The following CCDC178 variants were observed in gnomAD, a reference collection of about 807,000 sequenced individuals.
CCDC178 encodes the protein coiled-coil domain containing 178.
Under a neutral mutation model 117.4 loss-of-function variants are expected in CCDC178, and 126 were observed. The ratio of observed to expected loss-of-function variants is 1.07; its 90% CI spans 0.93 to 1.24. The LOEUF (loss-of-function observed/expected upper bound fraction) is 1.24. Among genes scored for constraint, CCDC178 ranks in the 50% most tolerant of loss-of-function variants. CCDC178 has a pLI of 0.00. For missense variants in CCDC178, 1,030 were observed against 986.9 expected (o/e 1.04, Z -0.59); for synonymous variants, 283 against 313.4 (o/e 0.90, Z 1.02).
intron 2 of CCDC178, among the ~76,000 whole-genome samples, chr18:33,433,485 A>C (rs1427655473): frequency 6.6e-6 from 1 of 152,096 alleles, no homozygotes; most frequent in Admixed American, 6.6e-5. Flanking sequence ...CAGGTAATAC[A>C]CTGTTGCCCT....
rs144266625 is a variant in CCDC178 at position 33,066,699 on chromosome 18, G to A, written c.2388+26062C>T. ...TCAAAACCGAAGTGAAGCAGGAGTC[G>A]CTATACTTATATCACATGAAACAGA... On this transcript the variant is annotated intron_variant, in intron 21 of 22. Transcript: ENST00000383096. Among the ~76,000 whole-genome samples the A allele has an allele frequency of 4.1e-3, 621 of 152,152 alleles. 4 individuals carry two copies. Among genetic ancestry groups the A allele is most frequent in the African/African-American group, 0.014 (562 of 41,516 alleles).
At chr18:32,974,754 A>G in intron 21 of CCDC178, 73 bp from the exon 22 acceptor site, 1 of 1,449,574 alleles carries the variant, frequency 6.9e-7, no homozygotes, top group Middle Eastern at 1.8e-4. Flanking sequence ...TTCAAGAAGA[A>G]TGATGGAGGG....
At chr18:33,311,505 T>C (rs1415267631) in intron 11 of CCDC178, among the ~76,000 whole-genome samples, 2 of 152,240 alleles carry the variant, frequency 1.3e-5, no homozygotes, top group Admixed American at 6.5e-5. Context: ...TCAGCTCCAG[T>C]GAGTGTCCCT....
At chr18:33,304,512 T>C (rs897610495) in intron 11 of CCDC178, among the ~76,000 whole-genome samples, 1 of 152,342 alleles carries the variant, frequency 6.6e-6, no homozygotes, top group East Asian at 1.9e-4. Context: ...TTTTGCTTTA[T>C]TCTGTTTATT....
At chr18:33,249,960 G>A (rs924904558) in intron 14 of CCDC178, among the ~76,000 whole-genome samples, 3 of 151,894 alleles carry the variant, frequency 2.0e-5, no homozygotes, top group Non-Finnish European at 2.9e-5. Flanking sequence ...GTGGTTTGTA[G>A]TTCTCCTTGA....
At chr18:33,207,526 G>C (rs189371785) in intron 20 of CCDC178, among the ~76,000 whole-genome samples, 1,999 of 149,752 alleles carry the variant, frequency 0.013, 26 homozygotes, top group Middle Eastern at 0.059. Flanking sequence ...TTTCCAGTGG[G>C]AATGGAAAAT....
Position 32,990,950 on chromosome 18 carries a change from C to T in CCDC178, c.2389-16269G>A, listed in dbSNP as rs565999496. Among the ~76,000 whole-genome samples, 3 of 151,528 alleles carry T rather than the reference C, an allele frequency of 2.0e-5. No individual in the cohort carries two copies. In the South Asian group the frequency reaches 6.2e-4, roughly 31 times the overall value. ...ATTAGGAAAATGAAAGTTAATAACA[C>T]AGTGAGATACTCTTTTATATCAATT... On this transcript the variant is annotated intron_variant, in intron 21 of 22. Transcript: ENST00000383096.
chr18:33,045,853 G>A (rs1469206513), intron 21 of CCDC178, among the ~76,000 whole-genome samples: 1 of 152,116 alleles, frequency 6.6e-6, no homozygotes, highest in Non-Finnish European at 1.5e-5. Context: ...GATCACTTGA[G>A]GTCAGGAGTT....
At chr18:33,050,950 T>C (rs1280200763) in intron 21 of CCDC178, among the ~76,000 whole-genome samples, 2 of 152,142 alleles carry the variant, frequency 1.3e-5, no homozygotes, top group Non-Finnish European at 2.9e-5. Context: ...TCTCGGTCTG[T>C]CACTGAGGCT....
chr18:33,108,396 T>C (rs1403350227), intron 20 of CCDC178, among the ~76,000 whole-genome samples: 1 of 151,654 alleles, frequency 6.6e-6, no homozygotes, highest in Non-Finnish European at 1.5e-5. Flanking sequence ...TTTCAACATT[T>C]GAGGTTATGG....
chr18:33,424,213 C>A (rs2064079464), intron 2 of CCDC178, among the ~76,000 whole-genome samples: 1 of 152,072 alleles, frequency 6.6e-6, no homozygotes, highest in Admixed American at 6.5e-5. Context: ...TCCAAATATG[C>A]CCAATATTAG....
chr18:33,098,403 G>C (rs1598881361), intron 20 of CCDC178, among the ~76,000 whole-genome samples: 1 of 152,102 alleles, frequency 6.6e-6, no homozygotes. Context: ...TAAGAGAGCT[G>C]TCATCTTCTG....
chr18:33,052,392 T>C (rs759155713), intron 21 of CCDC178, among the ~76,000 whole-genome samples: 2 of 152,164 alleles, frequency 1.3e-5, no homozygotes, highest in Admixed American at 6.5e-5. Flanking sequence ...CATAATAGGG[T>C]AACAAGATTA....
At chr18:32,977,790 C>T (rs1313049358) in intron 21 of CCDC178, among the ~76,000 whole-genome samples, 1 of 152,012 alleles carries the variant, frequency 6.6e-6, no homozygotes, top group African/African-American at 2.4e-5. Flanking sequence ...CTCAGAATAC[C>T]TTATTATTTC....
At chr18:33,106,958 A>G (rs2057714512) in intron 20 of CCDC178, among the ~76,000 whole-genome samples, 1 of 151,716 alleles carries the variant, frequency 6.6e-6, no homozygotes, top group African/African-American at 2.4e-5. Flanking sequence ...GACAGCAAGA[A>G]AGCAGAGACG....
At chr18:33,012,374 T>C (rs2055888358) in intron 21 of CCDC178, among the ~76,000 whole-genome samples, 1 of 152,194 alleles carries the variant, frequency 6.6e-6, no homozygotes, top group Non-Finnish European at 1.5e-5. Flanking sequence ...TAAGAATTAT[T>C]GTAGAGAATG....
In CCDC178 at chr18:33,317,831, A is replaced by C. The variant is rs920052391; in HGVS notation, c.1022+5660T>G. On this transcript the variant is annotated intron_variant, in intron 11 of 22. Coordinates refer to ENST00000383096, the MANE Select transcript of CCDC178 (RefSeq NM_001105528.4). ...TTAAGAAACAGAACACCTGTGATTA[A>C]AAAAAAAGTTTCCTTTGTAACCAGA... 3.3e-5 allele frequency among the ~76,000 whole-genome samples: 5 copies of C among 151,708 alleles called. No individual in the cohort carries two copies. The South Asian group carries it at 1.0e-3, about 32-fold the overall frequency.
chr18:33,433,884 T>C (rs900092341), intron 2 of CCDC178, among the ~76,000 whole-genome samples: 1 of 152,070 alleles, frequency 6.6e-6, no homozygotes, highest in Non-Finnish European at 1.5e-5. Context: ...CATTATGCCA[T>C]AGGGGAAAAA....
At chr18:33,397,559 A>G (rs1039432067) in intron 3 of CCDC178, among the ~76,000 whole-genome samples, 1 of 152,164 alleles carries the variant, frequency 6.6e-6, no homozygotes. Flanking sequence ...TAATTTCCAA[A>G]GTTATATATG....
Sources: allele counts gnomAD v4.1 joint callset (sites outside exome capture counted in the v4.1 genomes callset), GRCh38; gene constraint gnomAD v4.1.1; transcripts MANE v1.5; gene names NCBI Gene and HGNC (gene_info 2026-07-23, HGNC 2026-07-21).